Variants in NOL4 observed in about 807,000 individuals in gnomAD.
The protein encoded by NOL4 is cancer/testis antigen 125.
NOL4 carries 17 observed loss-of-function variants against 75.9 expected under a neutral mutation model. That is an observed-to-expected ratio of 0.22 (90% CI 0.15 to 0.34). NOL4 has a LOEUF of 0.34. Among genes scored for constraint, NOL4 ranks in the 10% least tolerant of loss-of-function variants. The probability of loss-of-function intolerance (pLI) is 1.00; values close to 1 mark genes in which losing one functional copy is unlikely to be tolerated. For synonymous variants in NOL4, 292 were observed against 289.9 expected (o/e 1.01, Z -0.07); for missense variants, 614 against 793.5 (o/e 0.77, Z 2.72).
At chr18:34,104,542 C>A (rs941303463) in intron 3 of NOL4, among the ~76,000 whole-genome samples, 1 of 151,864 alleles carries the variant, frequency 6.6e-6, no homozygotes, top group Non-Finnish European at 1.5e-5. Flanking sequence ...ACCTTCGAGA[C>A]ACAGGAATGA....
At chr18:33,933,803 G>T (rs1157082200) in intron 9 of NOL4, among the ~76,000 whole-genome samples, 1 of 152,012 alleles carries the variant, frequency 6.6e-6, no homozygotes, top group Non-Finnish European at 1.5e-5. Context: ...ACCCACGAGG[G>T]TCGGAATCAA....
At chr18:34,008,371 G>A (rs201261527) in intron 6 of NOL4, among the ~76,000 whole-genome samples, 24 of 147,566 alleles carry the variant, frequency 1.6e-4, no homozygotes, top group East Asian at 4.1e-4. Context: ...CTATCTGTCT[G>A]TCTATCTATC....
chr18:34,201,136 A>G (rs2035708721), intron 1 of NOL4, among the ~76,000 whole-genome samples: 1 of 151,738 alleles, frequency 6.6e-6, no homozygotes, highest in African/African-American at 2.4e-5. Context: ...GAGGAAGAGA[A>G]AGGGGAAAAT....
intron 9 of NOL4, among the ~76,000 whole-genome samples, chr18:33,902,144 T>C (rs1271902541): frequency 1.3e-5 from 2 of 152,226 alleles, no homozygotes; most frequent in South Asian, 4.1e-4. Context: ...AATTTTGATG[T>C]GATTCAGTTA....
Position 33,958,311 on chromosome 18 carries a change from G to A in NOL4, c.1164C>T (p.His388=), listed in dbSNP as rs554528321. ...LNRGDEDEDD[H]EDHDDSEKVN... is the part of the protein sequence containing the mutation. ...CTTTCTCCGAATCGTCATGGTCCTC[G>A]TGGTCATCTTCGTCCTCATCTCCCC... The change falls in exon 7 of 11, where the codon CAC becomes CAT. Residue 388 remains histidine (H), a synonymous_variant. Coordinates refer to ENST00000261592, the MANE Select transcript of NOL4 (RefSeq NM_003787.5). The A allele has an allele frequency of 1.5e-5, 25 of 1,613,760 alleles. No individual in the cohort carries two copies. The East Asian group carries it at 3.8e-4, about 24-fold the overall frequency.
At chr18:34,184,561 G>T (rs2034310076) in intron 1 of NOL4, among the ~76,000 whole-genome samples, 1 of 152,076 alleles carries the variant, frequency 6.6e-6, no homozygotes, top group Non-Finnish European at 1.5e-5. Flanking sequence ...GGAAGGGACT[G>T]AGTTCTGTGT....
intron 10 of NOL4, among the ~76,000 whole-genome samples, chr18:33,856,636 T>G (rs1027662802): frequency 6.6e-5 from 10 of 152,044 alleles, no homozygotes; most frequent in Non-Finnish European, 1.2e-4. Context: ...AATTCAACAA[T>G]TTAAATAAGT....
chr18:33,992,153 G>T (rs1367176925), intron 6 of NOL4, among the ~76,000 whole-genome samples: 1 of 151,820 alleles, frequency 6.6e-6, no homozygotes, highest in Non-Finnish European at 1.5e-5. Context: ...CTTGGCATTT[G>T]CATAACTAAG....
intron 6 of NOL4, among the ~76,000 whole-genome samples, chr18:34,007,270 G>A (rs946286111): frequency 1.3e-5 from 2 of 151,968 alleles, no homozygotes; most frequent in African/African-American, 2.4e-5. Flanking sequence ...TGGAATACAG[G>A]AGATCCATTA....
chr18:33,975,010 C>T (rs546294402), intron 6 of NOL4, among the ~76,000 whole-genome samples: 26 of 152,314 alleles, frequency 1.7e-4, no homozygotes, highest in Non-Finnish European at 3.1e-4. Flanking sequence ...AATCCTATCA[C>T]ACACTGCAAC....
chr18:33,953,161 T>C (rs547038008), intron 8 of NOL4, among the ~76,000 whole-genome samples: 1 of 151,614 alleles, frequency 6.6e-6, no homozygotes, highest in South Asian at 2.1e-4. Context: ...TGTCTGAAAA[T>C]TGTCTAACGA....
At chr18:33,983,067 T>C (rs1220470928) in intron 6 of NOL4, among the ~76,000 whole-genome samples, 1 of 152,014 alleles carries the variant, frequency 6.6e-6, no homozygotes, top group Non-Finnish European at 1.5e-5. Flanking sequence ...CTTAAATGCA[T>C]ATTACTAAGT....
chr18:33,872,775 T>C (rs2063759734), intron 10 of NOL4, among the ~76,000 whole-genome samples: 1 of 152,048 alleles, frequency 6.6e-6, no homozygotes, highest in South Asian at 2.1e-4. Flanking sequence ...GGATAGTGGC[T>C]ATAATGTTAG....
At chr18:33,923,508 T>C (rs532173946) in intron 9 of NOL4, among the ~76,000 whole-genome samples, 1 of 152,176 alleles carries the variant, frequency 6.6e-6, no homozygotes, top group South Asian at 2.1e-4. Context: ...AATGTTGTCA[T>C]TAAAACTTCA....
At chr18:33,888,477 A>G (rs1352042475) in intron 9 of NOL4, among the ~76,000 whole-genome samples, 1 of 152,042 alleles carries the variant, frequency 6.6e-6, no homozygotes, top group Admixed American at 6.6e-5. Context: ...GGTATTTTAG[A>G]CATGAAGTCC....
At chr18:34,178,203 G>A (rs925649987) in intron 1 of NOL4, among the ~76,000 whole-genome samples, 8 of 151,530 alleles carry the variant, frequency 5.3e-5, no homozygotes, top group African/African-American at 1.7e-4. Flanking sequence ...GATATTAATG[G>A]TAATCCCCAC....
chr18:34,077,087 C>T (rs2145340551), intron 5 of NOL4, among the ~76,000 whole-genome samples: 1 of 152,234 alleles, frequency 6.6e-6, no homozygotes. Flanking sequence ...GGGTGGATCA[C>T]TTGAGTCCAG....
At chr18:34,020,733 G>A (rs1206941337) in intron 5 of NOL4, among the ~76,000 whole-genome samples, 1 of 152,032 alleles carries the variant, frequency 6.6e-6, no homozygotes, top group East Asian at 1.9e-4. Context: ...ACAAAAGAGT[G>A]TGGTTGGTAT....
chr18:34,145,165 T>C (rs2081346137), intron 1 of NOL4, among the ~76,000 whole-genome samples: 1 of 152,086 alleles, frequency 6.6e-6, no homozygotes. Flanking sequence ...TATTTGAAAG[T>C]CAAAATTTTG....
Sources: allele counts gnomAD v4.1 joint callset (sites outside exome capture counted in the v4.1 genomes callset), GRCh38; gene constraint gnomAD v4.1.1; transcripts MANE v1.5; gene names NCBI Gene and HGNC (gene_info 2026-07-23, HGNC 2026-07-21).